SLC14A2: variants seen among roughly 807,000 people sequenced by gnomAD.
SLC14A2 encodes solute carrier family 14 member 2.
A neutral mutation model predicts 104.6 loss-of-function variants in SLC14A2; 91 were observed. The ratio of observed to expected loss-of-function variants is 0.87; its 90% confidence interval spans 0.73 to 1.04. SLC14A2 has a LOEUF of 1.04. SLC14A2 is among the 50% of genes least tolerant of loss of function. The pLI, the probability that SLC14A2 is intolerant of heterozygous loss-of-function variation, is 0.00. For synonymous variants in SLC14A2, 476 were observed against 466.4 expected (o/e 1.02, Z -0.27); for missense variants, 1,189 against 1,156.0 (o/e 1.03, Z -0.41).
intron 1 of SLC14A2, among the ~76,000 whole-genome samples, chr18:45,273,441 A>G (rs1444795826): frequency 6.6e-6 from 1 of 152,168 alleles, no homozygotes; most frequent in Non-Finnish European, 1.5e-5. Context: ...TAACGTTCAA[A>G]CCATAGAGCC....
chr18:45,303,568 C>T (rs192405461), intron 1 of SLC14A2, among the ~76,000 whole-genome samples: 3 of 152,302 alleles, frequency 2.0e-5, no homozygotes, highest in East Asian at 1.9e-4. Flanking sequence ...CCTGGTGGCA[C>T]ATACACAGGC....
At chr18:45,206,430 TACAC>T in the SLC14A2 span, among the ~76,000 whole-genome samples, 4 of 150,392 alleles carry the variant, frequency 2.7e-5, no homozygotes, top group African/African-American at 7.3e-5. Flanking sequence ...CACACACACG[TACAC>T]ACACACACAC....
chr18:45,507,542 C>A lies in SLC14A2; in HGVS notation c.-35+24220C>A, dbSNP rs944716335. ...ATATGGATTGAACACTCACTGTCAC[C>A]CTGCAGTCCTGGGCACTAAAGAATC... On this transcript the variant is annotated intron_variant, in intron 2 of 20. Transcript: ENST00000586448. The A allele has an allele frequency of 2.0e-5, 3 of 152,252 alleles. No homozygotes were observed. In the East Asian group the frequency reaches 5.8e-4, roughly 29 times the overall value. 9.4% of individuals were successfully genotyped at this position (152,252 alleles called of 1,614,324 possible).
At chr18:45,551,050 A>G (rs2044048779) in intron 2 of SLC14A2, among the ~76,000 whole-genome samples, 1 of 152,176 alleles carries the variant, frequency 6.6e-6, no homozygotes, top group Non-Finnish European at 1.5e-5. Context: ...ATGTCCCTAG[A>G]GTAAGGAAAA....
intron 1 of SLC14A2, among the ~76,000 whole-genome samples, chr18:45,427,051 G>T (rs1359601061): frequency 6.6e-6 from 1 of 151,988 alleles, no homozygotes; most frequent in East Asian, 1.9e-4. Flanking sequence ...TGGCTTATTT[G>T]ACCCAGTTAA....
intron 1 of SLC14A2, among the ~76,000 whole-genome samples, chr18:45,268,633 C>A (rs1214410131): frequency 6.6e-6 from 1 of 152,102 alleles, no homozygotes; most frequent in Admixed American, 6.5e-5. Context: ...TTGGAAGCAC[C>A]TAGTATAAGC....
At chr18:45,365,249 T>C (rs1057513044) in intron 1 of SLC14A2, among the ~76,000 whole-genome samples, 3 of 152,250 alleles carry the variant, frequency 2.0e-5, no homozygotes, top group Non-Finnish European at 4.4e-5. Context: ...TGCCTTTTTC[T>C]AGCTCTGTGA....
At chr18:45,449,128 C>A (rs944032507) in intron 1 of SLC14A2, among the ~76,000 whole-genome samples, 2 of 152,202 alleles carry the variant, frequency 1.3e-5, no homozygotes, top group African/African-American at 4.8e-5. Context: ...AAAGCCCATT[C>A]CAGGCAGGCC....
intron 1 of SLC14A2, among the ~76,000 whole-genome samples, chr18:45,617,885 A>G (rs1353342878): frequency 6.6e-6 from 1 of 152,172 alleles, no homozygotes; most frequent in Non-Finnish European, 1.5e-5. Context: ...AAGATGGCAG[A>G]GAGTCTGGGG....
intron 1 of SLC14A2, among the ~76,000 whole-genome samples, chr18:45,422,288 G>A (rs2086360155): frequency 6.6e-6 from 1 of 151,926 alleles, no homozygotes. Context: ...GGTATGAGAA[G>A]GTCCCAATAA....
chr18:45,234,688 T>C (rs1224319319), intron 1 of SLC14A2, among the ~76,000 whole-genome samples: 1 of 152,000 alleles, frequency 6.6e-6, no homozygotes, highest in East Asian at 1.9e-4. Flanking sequence ...TGCTTTGTCC[T>C]TAATCTTCTG....
At position 45,246,190 on chromosome 18, in the gene SLC14A2, G is replaced by A. The variant is rs2084365791; in HGVS notation, c.-125+32999G>A. The stretch of plus-strand genomic sequence containing the variant: ...GACACCAGGAATATATTCACATAGA[G>A]AGGAAAGGCCACGTGAGAACACAAT... On this transcript the variant is annotated intron_variant, in intron 1 of 20. Transcript: ENST00000586448. Among the ~76,000 whole-genome samples the A allele has an allele frequency of 2.6e-5, 4 of 152,162 alleles. 1 individual carries two copies. In the South Asian group the frequency reaches 6.2e-4, roughly 24 times the overall value.
intron 1 of SLC14A2, among the ~76,000 whole-genome samples, chr18:45,452,339 A>G (rs1446492302): frequency 6.6e-6 from 1 of 152,228 alleles, no homozygotes; most frequent in African/African-American, 2.4e-5. Context: ...TTTAAAGTGC[A>G]TTATTGCCAA....
intron 2 of SLC14A2, among the ~76,000 whole-genome samples, chr18:45,567,243 C>A (rs2034183045): frequency 6.6e-6 from 1 of 152,110 alleles, no homozygotes; most frequent in Admixed American, 6.5e-5. Context: ...CCCACCATCC[C>A]AGACTAAAGT....
chr18:45,264,669 C>T (rs1381671526), intron 1 of SLC14A2, among the ~76,000 whole-genome samples: 1 of 152,070 alleles, frequency 6.6e-6, no homozygotes, highest in African/African-American at 2.4e-5. Context: ...GGGGAAGCCC[C>T]TTATAAAATC....
chr18:45,561,521 G>A (rs1465973904), intron 2 of SLC14A2, among the ~76,000 whole-genome samples: 1 of 152,190 alleles, frequency 6.6e-6, no homozygotes, highest in Non-Finnish European at 1.5e-5. Flanking sequence ...AGGAGGGGCA[G>A]CCCGTTGGGT....
At chr18:45,238,127 C>T (rs182278489) in intron 1 of SLC14A2, among the ~76,000 whole-genome samples, 8 of 152,288 alleles carry the variant, frequency 5.3e-5, no homozygotes, top group Admixed American at 5.2e-4. Flanking sequence ...CTAAAAGCAA[C>T]ACAGAAAGTC....
chr18:45,236,734 T>C (rs1328897034), intron 1 of SLC14A2, among the ~76,000 whole-genome samples: 2 of 152,038 alleles, frequency 1.3e-5, no homozygotes, highest in African/African-American at 4.8e-5. Context: ...TAAGAGTACA[T>C]ATCTCTCTTA....
In SLC14A2 at chr18:45,237,791, C is replaced by T. The variant is rs184409362; in HGVS notation, c.-125+24600C>T. On this transcript the variant is annotated intron_variant, in intron 1 of 20. Coordinates refer to the SLC14A2 transcript ENST00000586448. ...CTTCCTGAGAGGCTGACAGTAAGAC[C>T]AGGGGCACCTTAAGGTTTCAGCAGA... Among the ~76,000 whole-genome samples the T allele has an allele frequency of 2.4e-3, 371 of 152,270 alleles. 2 individuals carry two copies. The highest frequency in any genetic ancestry group is 8.3e-3 in the African/African-American group (345 of 41,552).
Sources: allele counts gnomAD v4.1 joint callset (sites outside exome capture counted in the v4.1 genomes callset), GRCh38; gene constraint gnomAD v4.1.1; transcripts MANE v1.5; gene names NCBI Gene and HGNC (gene_info 2026-07-23, HGNC 2026-07-21).